The following NRG2 variants were observed in gnomAD, a reference collection of about 807,000 sequenced individuals.
NRG2 encodes the protein pro-neuregulin-2, membrane-bound isoform.
NRG2 carries 27 observed loss-of-function variants against 73.9 expected under a neutral mutation model. The ratio of observed to expected loss-of-function variants is 0.37; its 90% CI spans 0.27 to 0.50. The LOEUF is 0.50. NRG2 is among the 20% of genes least tolerant of loss of function. The probability of loss-of-function intolerance (pLI) is 0.96; values close to 1 mark genes in which losing one functional copy is unlikely to be tolerated. For synonymous variants in NRG2, 532 were observed against 541.0 expected (o/e 0.98, Z 0.23); for missense variants, 1,126 against 1,210.1 (o/e 0.93, Z 1.03).
rs547065263 is a variant in NRG2 at position 139,846,936 on chromosome 5, G to A, written c.*981C>T. The A allele has an allele frequency of 6.6e-6, 1 of 151,764 alleles. No homozygotes were observed. Among genetic ancestry groups the A allele is most frequent in the Admixed American group, 6.6e-5 (1 of 15,242 alleles). 9.4% of individuals were successfully genotyped at this position (151,764 alleles called of 1,614,324 possible). A position where few individuals can be genotyped will look rare whatever the true frequency, so the allele number is the denominator to read the frequency against. The stretch of plus-strand genomic sequence containing the variant: ...TTTTGACAAATTAGCAGTGGACCCA[G>A]TTTTTGGGGGTGGGAGGGCAGGACT... On this transcript the variant is annotated 3_prime_UTR_variant, in exon 10 of 10. Coordinates refer to ENST00000361474, the MANE Select transcript of NRG2 (RefSeq NM_004883.3).
At chr5:139,950,515 C>T (rs1258859920) in intron 1 of NRG2, among the ~76,000 whole-genome samples, 1 of 152,224 alleles carries the variant, frequency 6.6e-6, no homozygotes, top group Non-Finnish European at 1.5e-5. Flanking sequence ...CAAAGCTGGA[C>T]TGTGACTTGC....
intron 1 of NRG2, among the ~76,000 whole-genome samples, chr5:139,938,880 GAAGGAAAGAAAGAAAGAAAGAAAGAAA>G (rs1456917387): frequency 5.0e-4 from 39 of 77,962 alleles, no homozygotes; most frequent in African/African-American, 2.2e-3. Context: ...GAGAGAGAGA[GAAGGAAAGAAAGAAAGAAAGAAAGAAA>G]AGAAAGAAAG....
rs181330046 is a variant in NRG2 at position 140,011,031 on chromosome 5, T to C, written c.700+31339A>G. 2.0e-5 allele frequency among the ~76,000 whole-genome samples: 3 copies of C among 152,352 alleles called. No individual in the cohort carries two copies. The East Asian group carries it at 5.8e-4, about 29-fold the overall frequency. On this transcript the variant is annotated intron_variant, in intron 1 of 9. Transcript: ENST00000361474. ...CCCTCCCACTACTGTTTGTCCTGCA[T>C]ACAGCTGTCAGAGACCAAAAACTAA...
intron 1 of NRG2, among the ~76,000 whole-genome samples, chr5:139,926,429 A>T (rs1580747935): frequency 1.3e-5 from 2 of 152,190 alleles, no homozygotes; most frequent in Non-Finnish European, 2.9e-5. Context: ...GCATCTGGTC[A>T]TATAAGCCTG....
rs1220075699 is a variant in NRG2, at chr5:140,042,915, T to C, written c.155A>G (p.Asn52Ser). ...ESGSSSRSSS[N>S]NSSISRPAAP... Reference sequence around the variant, plus strand: ...AGCGGGACGAGAGATGCTGCTGTTGTTGCTGCTGCTCCTGCTGCTGCTGCC... The same window carrying C: ...AGCGGGACGAGAGATGCTGCTGTTGCTGCTGCTGCTCCTGCTGCTGCTGCC... Residue 52 changes from asparagine (N) to serine (S), a missense_variant, in exon 1 of 10, where the codon AAC becomes AGC. Around this residue, in one of 3 missense-constraint regions of NRG2, gnomAD observed 185 missense variants for 149.0 expected, o/e 1.24. Coordinates refer to ENST00000361474, the MANE Select transcript of NRG2 (RefSeq NM_004883.3). The C allele has an allele frequency of 1.3e-6, 2 of 1,524,230 alleles. No individual in the cohort carries two copies. The highest frequency in any genetic ancestry group is 2.4e-5 in the South Asian group (2 of 83,786). 94.4% of individuals were successfully genotyped at this position (1,524,230 alleles called of 1,614,324 possible). A position where few individuals can be genotyped will look rare whatever the true frequency, so the allele number is the denominator to read the frequency against.
intron 1 of NRG2, among the ~76,000 whole-genome samples, chr5:139,918,331 A>G (rs1285948809): frequency 6.6e-6 from 1 of 152,186 alleles, no homozygotes; most frequent in Non-Finnish European, 1.5e-5. Context: ...GGATAAAGGA[A>G]ATGGTAACAT....
intron 1 of NRG2, among the ~76,000 whole-genome samples, chr5:139,986,167 C>T (rs1757159508): frequency 6.6e-6 from 1 of 152,250 alleles, no homozygotes; most frequent in South Asian, 2.1e-4. Flanking sequence ...CATCTTCATA[C>T]TGCACAAGAA....
At chr5:140,033,958 T>C (rs926144846) in intron 1 of NRG2, among the ~76,000 whole-genome samples, 31 of 151,562 alleles carry the variant, frequency 2.0e-4, no homozygotes, top group Admixed American at 1.3e-4. Flanking sequence ...CAAAAGACGG[T>C]TTCCTTTTTT....
Position 140,042,972 on chromosome 5 carries a change from C to T in NRG2, c.98G>A (p.Ser33Asn), listed in dbSNP as rs545945148. The T allele has an allele frequency of 2.0e-3, 3,026 of 1,547,678 alleles. 5 individuals are homozygous for T. Among genetic ancestry groups the T allele is most frequent in the Middle Eastern group, 5.0e-3 (28 of 5,564 alleles). ...GCTGCTGCTGCTGCTGCTGCTGCTGCTCCTCTCGCTGCTGCTGCTGCTGCT... is the reference window on the plus strand; with the variant it reads ...GCTGCTGCTGCTGCTGCTGCTGCTGTTCCTCTCGCTGCTGCTGCTGCTGCT... ...SDSSSSSSER[S>N]SSSSSSSSES... Residue 33 changes from serine to asparagine, a missense_variant, in exon 1 of 10, where the codon AGC becomes AAC. This residue lies in a region of NRG2 where 185 missense variants were observed against 149.0 expected (regional missense o/e 1.24). Coordinates refer to ENST00000361474, the MANE Select transcript of NRG2 (RefSeq NM_004883.3).
chr5:139,941,885 A>G (rs910218256), intron 1 of NRG2, among the ~76,000 whole-genome samples: 1 of 152,208 alleles, frequency 6.6e-6, no homozygotes, highest in Non-Finnish European at 1.5e-5. Flanking sequence ...AAGCAGCTTG[A>G]CATGATTTGT....
At chr5:140,030,094 T>C (rs1272723067) in intron 1 of NRG2, among the ~76,000 whole-genome samples, 1 of 152,214 alleles carries the variant, frequency 6.6e-6, no homozygotes, top group Admixed American at 6.5e-5. Flanking sequence ...CCCTGAGTCA[T>C]GTGGACAGAG....
In NRG2 at chr5:139,852,632, A is replaced by G. The variant is rs1761522256; in HGVS notation, c.1417-73T>C. The G allele has an allele frequency of 6.3e-7, 1 of 1,577,696 alleles. No homozygotes were observed. Among genetic ancestry groups the G allele is most frequent in the East Asian group, 2.2e-5 (1 of 44,574 alleles). The stretch of plus-strand genomic sequence containing the variant: ...AACTCTTTCTTGTTGGGGACAGGGA[A>G]GTGATGAGCACTGACTGAGCTCCTG... On this transcript the variant is annotated intron_variant, in intron 7 of 9. Transcript: ENST00000361474. This position sits in a 1 kb window ranked among gnomAD's most constrained non-coding sequence, Gnocchi z 4.4.
At chr5:139,977,411 A>G (rs1165426004) in intron 1 of NRG2, among the ~76,000 whole-genome samples, 1 of 152,162 alleles carries the variant, frequency 6.6e-6, no homozygotes, top group African/African-American at 2.4e-5. Context: ...TGTTCAATCA[A>G]CTCAAGTCTG....
At chr5:139,889,816 G>A (rs759391443) in intron 1 of NRG2, among the ~76,000 whole-genome samples, 10 of 152,100 alleles carry the variant, frequency 6.6e-5, no homozygotes, top group South Asian at 2.1e-4. Flanking sequence ...AACTTCATTC[G>A]TTTGCGCCTC....
chr5:140,042,980 G>C lies in NRG2; in HGVS notation c.90C>G (p.Ser30Arg). ...TGCTGCTGCTGCTGCTGCTCCTCTC[G>C]CTGCTGCTGCTGCTGCTGTCGCTGT... ...SSYSDSSSSSSERSSSSSSSS... is the reference protein window; with the variant it reads ...SSYSDSSSSSRERSSSSSSSS... The change falls in exon 1 of 10, where the codon AGC (serine) becomes AGG (arginine). Residue 30 changes from serine to arginine, a missense_variant. Ser to Arg is a moderately radical substitution (Grantham distance 110). This residue lies in a region of NRG2 where 185 missense variants were observed against 149.0 expected (regional missense o/e 1.24). Coordinates refer to ENST00000361474, the MANE Select transcript of NRG2 (RefSeq NM_004883.3). 3 of 1,422,540 alleles carry C rather than the reference G, an allele frequency of 2.1e-6. No individual in the cohort carries two copies. The highest frequency in any genetic ancestry group is 2.8e-6 in the Non-Finnish European group (3 of 1,058,012). The allele number at this position is 1,422,540 out of a possible 1,614,324, so 88.1% of individuals were successfully genotyped here.
At chr5:139,882,042 A>G (rs1307831812) in intron 2 of NRG2, among the ~76,000 whole-genome samples, 1 of 152,202 alleles carries the variant, frequency 6.6e-6, no homozygotes, top group Admixed American at 6.5e-5. Context: ...GCAAGAAGTA[A>G]CACGGTAATT....
At chr5:139,987,778 T>TG (rs1386247125) in intron 1 of NRG2, among the ~76,000 whole-genome samples, 1 of 150,198 alleles carries the variant, frequency 6.7e-6, no homozygotes, top group East Asian at 1.9e-4. Flanking sequence ...GGTTGTTTTT[T>TG]TTTTTTTTTT....
chr5:139,882,489 C>T (rs1263887262), intron 2 of NRG2, among the ~76,000 whole-genome samples: 1 of 152,216 alleles, frequency 6.6e-6, no homozygotes, highest in Non-Finnish European at 1.5e-5. Flanking sequence ...GTCTCTGTCT[C>T]CTTGGCCTGG....
chr5:139,914,925 A>G (rs1191085169), intron 1 of NRG2, among the ~76,000 whole-genome samples: 2 of 152,150 alleles, frequency 1.3e-5, no homozygotes, highest in East Asian at 3.9e-4. Flanking sequence ...CCAGCTGGTT[A>G]CAGGGGCCAC....
Sources: allele counts gnomAD v4.1 joint callset (sites outside exome capture counted in the v4.1 genomes callset), GRCh38; gene constraint gnomAD v4.1.1; regional missense constraint gnomAD v4.1.1; non-coding constraint Gnocchi (gnomAD v3.1); transcripts MANE v1.5; gene names NCBI Gene and HGNC (gene_info 2026-07-23, HGNC 2026-07-21).